GNA14: variants seen among roughly 807,000 people sequenced by gnomAD.
GNA14 encodes the protein guanine nucleotide-binding protein subunit alpha-14.
In GNA14, 50 loss-of-function variants were observed where a neutral mutation model predicts 42.0. The ratio of observed to expected loss-of-function variants is 1.19; its 90% confidence interval spans 0.95 to 1.51. GNA14 has a LOEUF of 1.51. Ranked by LOEUF, GNA14 falls within the 40% of genes most tolerant of loss-of-function variation. The probability of loss-of-function intolerance (pLI) is 0.00; values close to 1 mark genes in which losing one functional copy is unlikely to be tolerated. For synonymous variants in GNA14, 173 were observed against 163.1 expected (o/e 1.06, Z -0.46); for missense variants, 473 against 446.2 (o/e 1.06, Z -0.54).
chr9:77,568,528 T>TAAAACTATTAAAAGAAAG (rs1336430692), intron 1 of GNA14, among the ~76,000 whole-genome samples: 12 of 152,088 alleles, frequency 7.9e-5, no homozygotes, highest in African/African-American at 2.7e-4. Flanking sequence ...GAAAGAATGT[T>TAAAACTATTAAAAGAAAG]AACTATTAAA....
intron 2 of GNA14, among the ~76,000 whole-genome samples, chr9:77,477,877 A>C (rs1053944730): frequency 6.6e-6 from 1 of 152,164 alleles, no homozygotes; most frequent in African/African-American, 2.4e-5. Context: ...AAATTGAAGA[A>C]ATTCCTTCAA....
intron 2 of GNA14, among the ~76,000 whole-genome samples, chr9:77,489,427 A>T (rs936979060): frequency 6.6e-5 from 10 of 152,234 alleles, no homozygotes; most frequent in Admixed American, 6.5e-4. Flanking sequence ...AGATCAGTGA[A>T]CACCAAACAG....
chr9:77,467,520 TCATGGAGCTAC>T (rs377044452), intron 2 of GNA14, among the ~76,000 whole-genome samples: 2 of 150,756 alleles, frequency 1.3e-5, no homozygotes, highest in Non-Finnish European at 1.5e-5. Context: ...GCTACTAGAT[TCATGGAGCTAC>T]CAGCCCCCAC....
chr9:77,515,971 A>AAAAAAAACAAAAAC (rs1837250528), intron 2 of GNA14, among the ~76,000 whole-genome samples: 3 of 147,206 alleles, frequency 2.0e-5, no homozygotes, highest in Non-Finnish European at 4.5e-5. Flanking sequence ...AAAAAAAAAA[A>AAAAAAAACAAAAAC]AAAAAAAAAA....
rs200579309 is a variant in GNA14, at chr9:77,464,349, A to G, written c.310-29827T>C. ...TATATATATGTGTGTGTGTGTGTGT[A>G]TATGTGTGTGTGTGTGTGTGTGTGT... On this transcript the variant is annotated intron_variant, in intron 2 of 6. Transcript: ENST00000341700. Among the ~76,000 whole-genome samples, 602 of 102,046 alleles carry G rather than the reference A, an allele frequency of 5.9e-3. 7 individuals carry two copies. The highest frequency in any genetic ancestry group is 0.023 in the African/African-American group (519 of 22,994). The allele number at this position is 102,046 out of a possible 152,430, so 66.9% of individuals were successfully genotyped here. A position where few individuals can be genotyped will look rare whatever the true frequency, so the allele number is the denominator to read the frequency against.
chr9:77,531,932 A>C (rs909207769), intron 1 of GNA14, among the ~76,000 whole-genome samples: 8 of 152,240 alleles, frequency 5.3e-5, no homozygotes, highest in African/African-American at 1.4e-4. Context: ...ATATTTTAAA[A>C]TATTCTTTAG....
At chr9:77,574,863 ACTCT>A (rs1302370787) in intron 1 of GNA14, among the ~76,000 whole-genome samples, 1 of 152,124 alleles carries the variant, frequency 6.6e-6, no homozygotes, top group Non-Finnish European at 1.5e-5. Context: ...CCCAGATGAC[ACTCT>A]CTCCTTGGAG....
At chr9:77,461,616 A>G (rs1836108238) in intron 2 of GNA14, among the ~76,000 whole-genome samples, 1 of 152,070 alleles carries the variant, frequency 6.6e-6, no homozygotes, top group East Asian at 1.9e-4. Flanking sequence ...ATCCTATATC[A>G]TAAGGATCAA....
intron 1 of GNA14, among the ~76,000 whole-genome samples, chr9:77,561,506 T>C (rs1004505203): frequency 2.0e-5 from 3 of 152,204 alleles, no homozygotes; most frequent in Non-Finnish European, 2.9e-5. Flanking sequence ...ATACATACAA[T>C]AGAATTTCAT....
chr9:77,535,999 G>A (rs1241119226), intron 1 of GNA14, among the ~76,000 whole-genome samples: 6 of 151,562 alleles, frequency 4.0e-5, no homozygotes, highest in East Asian at 3.9e-4. Flanking sequence ...TTAAAGTGCC[G>A]ATAAGATTCA....
chr9:77,436,710 A>G (rs574959671), intron 2 of GNA14, among the ~76,000 whole-genome samples: 1 of 152,296 alleles, frequency 6.6e-6, no homozygotes, highest in African/African-American at 2.4e-5. Flanking sequence ...CTCTGTCTTC[A>G]TGGCAGGCCA....
intron 6 of GNA14, 141 bp downstream of exon 6, chr9:77,425,421 T>G: frequency 1.7e-6 from 1 of 582,566 alleles, no homozygotes; most frequent in Non-Finnish European, 3.0e-6. Context: ...AACTAGAGCT[T>G]CTGTTTGAAG....
chr9:77,580,064 A>G (rs1193125420), intron 1 of GNA14, among the ~76,000 whole-genome samples: 6 of 152,210 alleles, frequency 3.9e-5, no homozygotes, highest in African/African-American at 7.2e-5. Flanking sequence ...TTTAATATAT[A>G]GCACATAACC....
chr9:77,454,838 A>T (rs1201413708), intron 2 of GNA14, among the ~76,000 whole-genome samples: 2 of 152,196 alleles, frequency 1.3e-5, no homozygotes, highest in Admixed American at 1.3e-4. Flanking sequence ...TTTTAATGTG[A>T]CACATATATT....
intron 1 of GNA14, among the ~76,000 whole-genome samples, chr9:77,540,544 GGTCT>G (rs1286636574): frequency 2.0e-5 from 3 of 152,104 alleles, no homozygotes; most frequent in East Asian, 1.9e-4. Flanking sequence ...CTGTCTTCAT[GGTCT>G]GTCTAACGAC....
intron 1 of GNA14, among the ~76,000 whole-genome samples, chr9:77,568,804 G>A (rs1015952357): frequency 6.6e-6 from 1 of 152,218 alleles, no homozygotes; most frequent in African/African-American, 2.4e-5. Flanking sequence ...GCAGGCTGCA[G>A]AGGAGATGGG....
chr9:77,571,746 C>A (rs1336403925), intron 1 of GNA14, among the ~76,000 whole-genome samples: 2 of 131,566 alleles, frequency 1.5e-5, no homozygotes, highest in Non-Finnish European at 1.7e-5. Context: ...CAAGAGCAAA[C>A]CTCTGCCTTC....
chr9:77,520,720 T>C (rs1473393784), intron 2 of GNA14, among the ~76,000 whole-genome samples: 5 of 152,068 alleles, frequency 3.3e-5, no homozygotes, highest in Admixed American at 6.6e-5. Flanking sequence ...CTCAGAAAAA[T>C]ATTTCACATG....
chr9:77,635,571 A>G (rs1824171291), intron 1 of GNA14, among the ~76,000 whole-genome samples: 1 of 152,224 alleles, frequency 6.6e-6, no homozygotes, highest in Non-Finnish European at 1.5e-5. Flanking sequence ...TAAGGAAAAA[A>G]GAGAGAAAAG....
Sources: gnomAD v4.1 joint callset for allele counts (sites outside exome capture counted in the v4.1 genomes callset) on GRCh38, gnomAD v4.1.1 for gene constraint, MANE v1.5 for transcripts, NCBI Gene and HGNC (gene_info 2026-07-23, HGNC 2026-07-21) for gene names.